The following KDR variants were observed in gnomAD, a reference collection of about 807,000 sequenced individuals.
KDR encodes the protein kinase insert domain receptor, also known as vascular endothelial growth factor receptor 2.
KDR carries 43 observed loss-of-function variants against 160.9 expected under a neutral mutation model. That is an observed-to-expected ratio of 0.27 (90% confidence interval 0.21 to 0.34). KDR has a LOEUF of 0.34. KDR is among the 10% of genes least tolerant of loss of function. The pLI, the probability that KDR is intolerant of heterozygous loss-of-function variation, is 1.00. For synonymous variants in KDR, 617 were observed against 600.1 expected, an observed-to-expected ratio of 1.03 and a Z score of -0.41; for missense variants, 1,469 against 1,666.4, an observed-to-expected ratio of 0.88 and a Z score of 2.06.
At chr4:55,102,203 A>G (rs559057962) in intron 14 of KDR, among the ~76,000 whole-genome samples, 159 bp downstream of exon 14, 28 of 152,284 alleles carry the variant, frequency 1.8e-4, no homozygotes, top group African/African-American at 5.8e-4. Context: ...TGAAAATTCA[A>G]CAGGGCCCCA....
intron 18 of KDR, among the ~76,000 whole-genome samples, chr4:55,097,071 A>T (rs1484861587): frequency 3.3e-5 from 5 of 152,196 alleles, no homozygotes; most frequent in Admixed American, 2.6e-4. Flanking sequence ...TTGAAGAAAG[A>T]AGCTTTACTG....
chr4:55,083,995 A>G (rs10434442), intron 27 of KDR, among the ~76,000 whole-genome samples: 42,696 of 152,128 alleles, frequency 0.28, 7,462 homozygotes, highest in African/African-American at 0.49. Flanking sequence ...GGAAGCCCTC[A>G]CTGATAATCT....
chr4:55,116,001 G>T (rs1308746676), intron 3 of KDR, among the ~76,000 whole-genome samples: 1 of 152,070 alleles, frequency 6.6e-6, no homozygotes, highest in Non-Finnish European at 1.5e-5. Flanking sequence ...TGAAGACTAG[G>T]GATATGATTC....
chr4:55,102,825 A>T (rs1018403200), intron 13 of KDR, among the ~76,000 whole-genome samples: 2 of 152,128 alleles, frequency 1.3e-5, no homozygotes, highest in Non-Finnish European at 2.9e-5. Context: ...CTTCCCTCCC[A>T]TGAAGATTCT....
chr4:55,104,506 G>A, intron 13 of KDR, 137 bp downstream of exon 13: 1 of 725,426 alleles, frequency 1.4e-6, no homozygotes. Context: ...CTTCCTCAAG[G>A]ACTTTCGGTG....
At chr4:55,122,786 A>T (rs1720926114) in intron 1 of KDR, 9 of 152,190 alleles carry the variant, frequency 5.9e-5, no homozygotes, top group Admixed American at 5.9e-4. Context: ...AGACTCTGTC[A>T]GAATATCCCT....
chr4:55,095,966 G>C (rs1390915568), intron 19 of KDR, among the ~76,000 whole-genome samples: 1 of 152,124 alleles, frequency 6.6e-6, no homozygotes, highest in East Asian at 1.9e-4. Flanking sequence ...TCAAGTTTTA[G>C]GGAAGTTTAC....
At chr4:55,098,358 T>C in intron 16 of KDR, 86 bp from the exon 17 acceptor site, 1 of 1,464,870 alleles carries the variant, frequency 6.8e-7, no homozygotes, top group Non-Finnish European at 9.5e-7. Flanking sequence ...TATTGGAGCC[T>C]CATTCCTGTC....
chr4:55,100,198 CA>C (rs915316951), intron 15 of KDR, among the ~76,000 whole-genome samples: 4 of 151,974 alleles, frequency 2.6e-5, no homozygotes, highest in African/African-American at 7.3e-5. Context: ...AACTGGTTTG[CA>C]AAATAAGTAA....
At chr4:55,101,756 T>C (rs1578133449) in intron 15 of KDR, 141 bp downstream of exon 15, 1 of 728,266 alleles carries the variant, frequency 1.4e-6, no homozygotes, top group East Asian at 2.7e-5. Flanking sequence ...GCGTTTGGTT[T>C]TCTGTTCCTG....
intron 22 of KDR, among the ~76,000 whole-genome samples, chr4:55,092,106 C>T (rs1305214168): frequency 2.6e-5 from 4 of 152,156 alleles, no homozygotes; most frequent in Non-Finnish European, 5.9e-5. Context: ...GGTCATTGCT[C>T]AAATGTCAAG....
In KDR at chr4:55,079,856, C is replaced by T; in HGVS notation, c.*85G>A. ...AAATGAAAATCAAATGCGGCTACTTCCTGCTGGTGGAAAGAACAACACTTG... is the reference window on the plus strand; with the variant it reads ...AAATGAAAATCAAATGCGGCTACTTTCTGCTGGTGGAAAGAACAACACTTG... On this transcript the variant is annotated 3_prime_UTR_variant, in exon 30 of 30. Transcript: ENST00000263923. 1 of 1,232,246 alleles carries T rather than the reference C, an allele frequency of 8.1e-7. No homozygotes were observed. The allele number at this position is 1,232,246 out of a possible 1,614,324, so 76.3% of individuals were successfully genotyped here.
At position 55,105,882 on chromosome 4, in the gene KDR, G is replaced by A. The variant is rs147066083; in HGVS notation, c.1595C>T (p.Ala532Val). ...ANVSALYKCE[A>V]VNKVGRGERV... is the part of the protein sequence containing the mutation. ...CTCTCCTCTCCCGACTTTGTTGACC[G>A]CTTCACATTTGTACAAAGCTGACAC... Residue 532 changes from alanine (A) to valine (V), a missense_variant, in exon 12 of 30, where the codon GCG (alanine) becomes GTG (valine). By Grantham distance (64) the Ala-to-Val change is moderately conservative. This residue lies in a region of KDR where 792 missense variants were observed against 840.9 expected (regional missense o/e 0.94). Coordinates refer to ENST00000263923, the MANE Select transcript of KDR (RefSeq NM_002253.4). 1.5e-4 allele frequency: 234 copies of A among 1,613,276 alleles called. No individual in the cohort carries two copies. The highest frequency in any genetic ancestry group is 1.9e-4 in the Non-Finnish European group (226 of 1,179,460).
chr4:55,088,776 T>C, intron 26 of KDR, 92 bp downstream of exon 26: 1 of 813,718 alleles, frequency 1.2e-6, no homozygotes, highest in East Asian at 2.5e-5. Flanking sequence ...GCTGAGAGGA[T>C]GGCATGGTAG....
intron 27 of KDR, among the ~76,000 whole-genome samples, chr4:55,086,014 T>C (rs12642307): frequency 0.26 from 38,885 of 152,100 alleles, 5,187 homozygotes; most frequent in Non-Finnish European, 0.28. Flanking sequence ...AATGGCTTTC[T>C]GATAAAGGGG....
At chr4:55,100,683 A>G (rs896935004) in intron 15 of KDR, among the ~76,000 whole-genome samples, 2 of 152,198 alleles carry the variant, frequency 1.3e-5, no homozygotes, top group Non-Finnish European at 2.9e-5. Context: ...ATGAAATGCT[A>G]ATAAGCTTAT....
At chr4:55,098,475 A>T (rs1316450380) in intron 16 of KDR, among the ~76,000 whole-genome samples, 6 of 152,108 alleles carry the variant, frequency 3.9e-5, no homozygotes, top group Non-Finnish European at 8.8e-5. Context: ...TTAAAGCTTA[A>T]TTACACTAGA....
At position 55,102,134 on chromosome 4, in the gene KDR, A is replaced by T. The variant is rs184369639; in HGVS notation, c.2135-106T>A. 48 of 1,511,242 alleles carry T rather than the reference A, an allele frequency of 3.2e-5. No homozygotes were observed. In the East Asian group the frequency reaches 9.9e-4, roughly 31 times the overall value. 93.6% of individuals were successfully genotyped at this position (1,511,242 alleles called of 1,614,324 possible). On this transcript the variant is annotated intron_variant, in intron 14 of 29. Coordinates refer to ENST00000263923, the MANE Select transcript of KDR (RefSeq NM_002253.4). ...ATGCTGCCCTTCATCTTGTTCTATT[A>T]TCTAACTCTGTAGAGTCACATGGGA...
chr4:55,119,704 G>A (rs1720819152), intron 2 of KDR, among the ~76,000 whole-genome samples: 1 of 152,136 alleles, frequency 6.6e-6, no homozygotes, highest in Non-Finnish European at 1.5e-5. Flanking sequence ...GTAAGAGTGA[G>A]CAAAGGGGAG....
Sources: allele counts gnomAD v4.1 joint callset (sites outside exome capture counted in the v4.1 genomes callset), GRCh38; gene constraint gnomAD v4.1.1; regional missense constraint gnomAD v4.1.1; transcripts MANE v1.5; gene names NCBI Gene and HGNC (gene_info 2026-07-23, HGNC 2026-07-21).